Variants in KCNIP4 observed in about 807,000 individuals in gnomAD.
The protein encoded by KCNIP4 is potassium voltage-gated channel interacting protein 4, also known as Kv channel-interacting protein 4.
Under a neutral mutation model 34.0 loss-of-function variants are expected in KCNIP4, and 12 were observed. That is an observed-to-expected ratio of 0.35 (90% CI 0.23 to 0.57). The LOEUF (loss-of-function observed/expected upper bound fraction) is 0.57, where lower values mean the gene tolerates loss of function less well. Among genes scored for constraint, KCNIP4 ranks in the 20% least tolerant of loss-of-function variants. KCNIP4 has a pLI of 0.83. For missense variants in KCNIP4, 238 were observed against 311.7 expected, an observed-to-expected ratio of 0.76 and a Z score of 1.78; for synonymous variants, 124 against 102.2, an observed-to-expected ratio of 1.21 and a Z score of -1.29.
intron 3 of KCNIP4, among the ~76,000 whole-genome samples, chr4:20,770,916 C>G (rs1418051874): frequency 3.3e-5 from 5 of 152,016 alleles, no homozygotes; most frequent in African/African-American, 1.2e-4. Context: ...GCCTGGGAGA[C>G]AGAGCGAGAC....
intron 1 of KCNIP4, among the ~76,000 whole-genome samples, chr4:20,910,683 A>G (rs1728241427): frequency 6.6e-6 from 1 of 152,214 alleles, no homozygotes; most frequent in South Asian, 2.1e-4. Flanking sequence ...ACTGAAATGT[A>G]CAATGTCTTA....
intron 1 of KCNIP4, among the ~76,000 whole-genome samples, chr4:21,432,193 C>T (rs1347649609): frequency 3.7e-5 from 5 of 135,276 alleles, no homozygotes; most frequent in Admixed American, 2.5e-4. Flanking sequence ...TAATTGTTTA[C>T]TGGAGAAAAC....
At chr4:21,475,642 A>T (rs1560442428) in intron 1 of KCNIP4, among the ~76,000 whole-genome samples, 1 of 149,394 alleles carries the variant, frequency 6.7e-6, no homozygotes, top group Non-Finnish European at 1.5e-5. Context: ...TCAAGTTCTC[A>T]TTTTCAGGCC....
At chr4:20,787,739 A>G (rs1712199051) in intron 3 of KCNIP4, among the ~76,000 whole-genome samples, 1 of 152,110 alleles carries the variant, frequency 6.6e-6, no homozygotes, top group African/African-American at 2.4e-5. Flanking sequence ...TGTTAGCCAT[A>G]ATTCACCTTT....
At chr4:21,777,175 T>C (rs898883497) in intron 1 of KCNIP4, among the ~76,000 whole-genome samples, 1 of 152,362 alleles carries the variant, frequency 6.6e-6, no homozygotes, top group East Asian at 1.9e-4. Flanking sequence ...CCATCTTCCA[T>C]GATTGTAAGT....
intron 1 of KCNIP4, among the ~76,000 whole-genome samples, chr4:20,938,482 C>T (rs1322830981): frequency 6.6e-6 from 1 of 152,154 alleles, no homozygotes; most frequent in Non-Finnish European, 1.5e-5. Flanking sequence ...TCAGCTGAAG[C>T]ATCAAAATGA....
chr4:21,511,683 G>A (rs1211226169), intron 1 of KCNIP4, among the ~76,000 whole-genome samples: 1 of 152,112 alleles, frequency 6.6e-6, no homozygotes, highest in Non-Finnish European at 1.5e-5. Flanking sequence ...ACAGTTGTTG[G>A]AGAATGAGAT....
At chr4:21,364,044 C>T (rs1180572518) in intron 1 of KCNIP4, among the ~76,000 whole-genome samples, 1 of 152,056 alleles carries the variant, frequency 6.6e-6, no homozygotes, top group African/African-American at 2.4e-5. Context: ...TATCTTTATT[C>T]TAAGAAAATG....
intron 1 of KCNIP4, among the ~76,000 whole-genome samples, chr4:21,044,209 G>A (rs1742223232): frequency 6.6e-6 from 1 of 152,046 alleles, no homozygotes; most frequent in Non-Finnish European, 1.5e-5. Context: ...ACTGTTGTAG[G>A]ATGCATATTT....
In KCNIP4 at chr4:21,672,504, A is replaced by C. The variant is rs534416603; in HGVS notation, c.61+276067T>G. 3.3e-5 allele frequency among the ~76,000 whole-genome samples: 5 copies of C among 152,326 alleles called. No homozygotes were observed. The East Asian group carries it at 9.6e-4, about 29-fold the overall frequency. On this transcript the variant is annotated intron_variant, in intron 1 of 8. Transcript: ENST00000382152. ...TATAATAACCTTCTGATAGTAATTTACTGATCACTTGAAACAAAGGTTCAG... is the reference window on the plus strand; with the variant it reads ...TATAATAACCTTCTGATAGTAATTTCCTGATCACTTGAAACAAAGGTTCAG...
intron 1 of KCNIP4, among the ~76,000 whole-genome samples, chr4:21,383,781 G>C (rs1463978467): frequency 3.3e-5 from 5 of 152,050 alleles, no homozygotes; most frequent in Admixed American, 3.3e-4. Context: ...CACCCAGAGG[G>C]TTCATTAAAA....
At chr4:21,529,134 A>T (rs947839782) in intron 1 of KCNIP4, among the ~76,000 whole-genome samples, 3 of 152,144 alleles carry the variant, frequency 2.0e-5, no homozygotes, top group African/African-American at 7.2e-5. Context: ...CTGGAATAGA[A>T]TCAAGATTAA....
rs1735150181 is a variant in KCNIP4 at position 21,519,479 on chromosome 4, T to TGTATATGTATGTGC, written c.61+429091_61+429092insGCACATACATATAC. On this transcript the variant is annotated intron_variant, in intron 1 of 8. Coordinates refer to ENST00000382152, the MANE Select transcript of KCNIP4 (RefSeq NM_025221.6). ...ACACATATGTGTGTATGTGTATGTG[T>TGTATATGTATGTGC]ATATACACATATGTGTGTATGTGTA... is the stretch of plus-strand genomic sequence containing the variant. 2.9e-5 allele frequency among the ~76,000 whole-genome samples: 2 copies of TGTATATGTATGTGC among 69,508 alleles called. 1 individual carries two copies. Among genetic ancestry groups the TGTATATGTATGTGC allele is most frequent in the Non-Finnish European group, 6.3e-5 (2 of 31,676 alleles). The allele number at this position is 69,508 out of a possible 152,430, so 45.6% of individuals were successfully genotyped here. A position where few individuals can be genotyped will look rare whatever the true frequency, so the allele number is the denominator to read the frequency against.
intron 1 of KCNIP4, among the ~76,000 whole-genome samples, chr4:21,198,680 G>A (rs1032958623): frequency 6.6e-6 from 1 of 152,180 alleles, no homozygotes; most frequent in South Asian, 2.1e-4. Context: ...CACCTTGTGT[G>A]GAATAACTTT....
intron 3 of KCNIP4, among the ~76,000 whole-genome samples, chr4:20,817,742 A>C (rs1046704306): frequency 6.6e-6 from 1 of 150,576 alleles, no homozygotes; most frequent in Non-Finnish European, 1.5e-5. Context: ...AAATATATAT[A>C]TTAGATAATG....
chr4:21,510,362 T>C (rs1383339931), intron 1 of KCNIP4, among the ~76,000 whole-genome samples: 2 of 152,160 alleles, frequency 1.3e-5, no homozygotes, highest in East Asian at 3.9e-4. Flanking sequence ...AAGGACTTTA[T>C]TGATCAATAC....
chr4:21,250,608 C>G (rs927187503), intron 1 of KCNIP4, among the ~76,000 whole-genome samples: 18 of 152,130 alleles, frequency 1.2e-4, no homozygotes, highest in Admixed American at 7.9e-4. Context: ...TCTGACTTTT[C>G]AAAACTATAT....
intron 1 of KCNIP4, among the ~76,000 whole-genome samples, chr4:21,762,026 AT>A: frequency 6.6e-6 from 1 of 152,286 alleles, no homozygotes; most frequent in Non-Finnish European, 1.5e-5. Flanking sequence ...ATAATCCCCA[AT>A]ATGACTAGTG....
intron 1 of KCNIP4, among the ~76,000 whole-genome samples, chr4:21,451,210 A>G (rs146808390): frequency 1.2e-4 from 19 of 152,242 alleles, no homozygotes; most frequent in African/African-American, 4.3e-4. Context: ...GGTTATTGCC[A>G]TTCCTGAGTA....
Sources: allele counts gnomAD v4.1 joint callset (sites outside exome capture counted in the v4.1 genomes callset), GRCh38; gene constraint gnomAD v4.1.1; transcripts MANE v1.5; gene names NCBI Gene and HGNC (gene_info 2026-07-23, HGNC 2026-07-21).